Variants in ARNT2 observed in about 807,000 individuals in gnomAD.
The protein encoded by ARNT2 is aryl hydrocarbon receptor nuclear translocator 2.
In ARNT2, 36 loss-of-function variants were observed where a neutral mutation model predicts 91.7. That is an observed-to-expected ratio of 0.39 (90% CI 0.30 to 0.52). The LOEUF is 0.52. ARNT2 is among the 20% of genes least tolerant of loss of function. The pLI is 0.72. For synonymous variants in ARNT2, 365 were observed against 347.1 expected (o/e 1.05, Z -0.57); for missense variants, 775 against 939.3 (o/e 0.83, Z 2.29).
chr15:80,420,666 AT>A (rs979531050), intron 1 of ARNT2, among the ~76,000 whole-genome samples: 44 of 152,068 alleles, frequency 2.9e-4, no homozygotes, highest in African/African-American at 1.0e-3. Flanking sequence ...GTGAATATAT[AT>A]TTTTATTAGA....
intron 1 of ARNT2, among the ~76,000 whole-genome samples, chr15:80,450,270 A>G (rs1348511942): frequency 6.6e-6 from 1 of 152,234 alleles, no homozygotes; most frequent in African/African-American, 2.4e-5. Context: ...GAGATCCAGG[A>G]AGCCTCAGCC....
At chr15:80,509,396 C>T (rs893104359) in intron 6 of ARNT2, among the ~76,000 whole-genome samples, 6 of 151,892 alleles carry the variant, frequency 4.0e-5, no homozygotes, top group Non-Finnish European at 8.8e-5. Context: ...GAGCTGAGAT[C>T]GCGCCACTGC....
At chr15:80,480,860 G>A (rs1444538600) in intron 5 of ARNT2, among the ~76,000 whole-genome samples, 1 of 151,100 alleles carries the variant, frequency 6.6e-6, no homozygotes, top group Non-Finnish European at 1.5e-5. Context: ...CCACTACTTA[G>A]TTTATTCATT....
At chr15:80,432,685 G>A (rs889920991) in intron 1 of ARNT2, among the ~76,000 whole-genome samples, 2 of 151,908 alleles carry the variant, frequency 1.3e-5, no homozygotes, top group African/African-American at 4.8e-5. Context: ...TTCTGCTTGG[G>A]CTGAGGCCTC....
intron 5 of ARNT2, among the ~76,000 whole-genome samples, chr15:80,492,457 C>T (rs1897070271): frequency 6.6e-6 from 1 of 152,164 alleles, no homozygotes; most frequent in Admixed American, 6.5e-5. Flanking sequence ...TGTGTAAGAA[C>T]TATTCTATAG....
chr15:80,504,266 T>TC (rs1249906980), intron 5 of ARNT2, among the ~76,000 whole-genome samples: 1 of 152,270 alleles, frequency 6.6e-6, no homozygotes, highest in East Asian at 1.9e-4. Flanking sequence ...TGTCTCAGTG[T>TC]AACAATCTGT....
At chr15:80,519,929 A>T (rs1595995856) in intron 8 of ARNT2, among the ~76,000 whole-genome samples, 1 of 140,660 alleles carries the variant, frequency 7.1e-6, no homozygotes, top group African/African-American at 2.7e-5. Context: ...TGATCTCCTG[A>T]CCTCATGCTC....
Position 80,542,884 on chromosome 15 carries a change from C to T in ARNT2, c.878-8315C>T, listed in dbSNP as rs569599664. On this transcript the variant is annotated intron_variant, in intron 8 of 18. Transcript: ENST00000303329. ...ATTGATTCCTGATTCCTAAGTATGG[C>T]AAAAGCGCATTTGTGCCAGCCTGGG... is the stretch of plus-strand genomic sequence containing the variant. 2.6e-5 allele frequency among the ~76,000 whole-genome samples: 4 copies of T among 151,920 alleles called. No homozygotes were observed. In the East Asian group the frequency reaches 7.8e-4, roughly 29 times the overall value.
intron 8 of ARNT2, among the ~76,000 whole-genome samples, chr15:80,540,250 C>T (rs1042414510): frequency 3.9e-5 from 6 of 152,262 alleles, no homozygotes; most frequent in East Asian, 3.9e-4. Context: ...TCTGAATAGT[C>T]GCACCATTTT....
chr15:80,577,428 A>G (rs1170733291), intron 15 of ARNT2, among the ~76,000 whole-genome samples: 1 of 152,210 alleles, frequency 6.6e-6, no homozygotes. Flanking sequence ...AACCTTCCCA[A>G]GGGTTGGTTC....
At chr15:80,562,449 T>C (rs913136003) in intron 11 of ARNT2, among the ~76,000 whole-genome samples, 4 of 152,178 alleles carry the variant, frequency 2.6e-5, no homozygotes, top group African/African-American at 9.7e-5. Flanking sequence ...CTGTAAATAA[T>C]AAAACTCATC....
intron 8 of ARNT2, among the ~76,000 whole-genome samples, chr15:80,540,341 A>G (rs775569113): frequency 8.5e-5 from 13 of 152,152 alleles, no homozygotes; most frequent in Non-Finnish European, 1.5e-4. Context: ...GTAAATTATG[A>G]TAGCCATCTT....
At chr15:80,579,646 C>T (rs145358156) in intron 15 of ARNT2, among the ~76,000 whole-genome samples, 22 of 152,276 alleles carry the variant, frequency 1.4e-4, no homozygotes, top group African/African-American at 5.3e-4. Flanking sequence ...GGGCCTGAAA[C>T]AAAGTAAAAG....
chr15:80,438,064 G>A (rs953287972), intron 1 of ARNT2, among the ~76,000 whole-genome samples: 8 of 152,134 alleles, frequency 5.3e-5, no homozygotes, highest in African/African-American at 1.7e-4. Context: ...GGCTGTGATT[G>A]AGGCTGATGC....
intron 8 of ARNT2, among the ~76,000 whole-genome samples, chr15:80,516,853 A>ATATATATATATATATATC (rs1157966395): frequency 1.4e-5 from 2 of 139,048 alleles, no homozygotes; most frequent in Non-Finnish European, 3.1e-5. Context: ...ATATATATAT[A>ATATATATATATATATATC]TATCCATGTT....
chr15:80,560,614 G>A (rs1016384558), intron 11 of ARNT2, among the ~76,000 whole-genome samples: 1 of 152,186 alleles, frequency 6.6e-6, no homozygotes, highest in African/African-American at 2.4e-5. Context: ...AAACAAAAAA[G>A]AAGGACCGCC....
At chr15:80,437,645 G>A (rs1192110868) in intron 1 of ARNT2, among the ~76,000 whole-genome samples, 1 of 152,132 alleles carries the variant, frequency 6.6e-6, no homozygotes, top group Non-Finnish European at 1.5e-5. Context: ...TCCCTGTAGG[G>A]AAGTTTGCTC....
intron 3 of ARNT2, among the ~76,000 whole-genome samples, chr15:80,467,609 A>AAGATCAGG (rs1896674508): frequency 1.3e-5 from 2 of 152,310 alleles, no homozygotes; most frequent in Admixed American, 1.3e-4. Flanking sequence ...TCATGCGTGT[A>AAGATCAGG]CTGCCCATGA....
intron 3 of ARNT2, among the ~76,000 whole-genome samples, chr15:80,469,719 A>G (rs905573237): frequency 3.9e-5 from 6 of 152,120 alleles, no homozygotes; most frequent in Non-Finnish European, 7.4e-5. Context: ...GGTTCAAGCA[A>G]TTCTTGTGCT....
Sources: gnomAD v4.1 joint callset for allele counts (sites outside exome capture counted in the v4.1 genomes callset) on GRCh38, gnomAD v4.1.1 for gene constraint, MANE v1.5 for transcripts, NCBI Gene and HGNC (gene_info 2026-07-23, HGNC 2026-07-21) for gene names.